The following KCNG4 variants were observed in gnomAD, a reference collection of about 807,000 sequenced individuals.
KCNG4 encodes the protein potassium voltage-gated channel modifier subfamily G member 4, also known as voltage-gated potassium channel regulatory subunit KCNG4.
A neutral mutation model predicts 28.2 loss-of-function variants in KCNG4; 30 were observed. The observed-to-expected ratio is 1.06, with a 90% CI of 0.80 to 1.44. The LOEUF (loss-of-function observed/expected upper bound fraction) is 1.44. Ranked by LOEUF, KCNG4 falls within the 40% of genes most tolerant of loss-of-function variation. The pLI is 0.00. For missense variants in KCNG4, 879 were observed against 712.3 expected (o/e 1.23, Z -2.66); for synonymous variants, 375 against 315.5 (o/e 1.19, Z -2.00).
chr16:84,225,421 CA>C, intron 2 of KCNG4, among the ~76,000 whole-genome samples: 1 of 152,344 alleles, frequency 6.6e-6, no homozygotes, highest in East Asian at 1.9e-4. Flanking sequence ...CAGAAGCCCC[CA>C]GGGTGCTTGT....
rs1157396341 is a variant in KCNG4 at position 84,219,905 on chromosome 16, C to G, written c.*2312G>C. ...ATATCAAATTAGCTGAGCATTTGAT[C>G]TCCAAATAGCTGGGATTACAGGTGG... On this transcript the variant is annotated 3_prime_UTR_variant, in exon 3 of 3. Coordinates refer to ENST00000308251, the MANE Select transcript of KCNG4 (RefSeq NM_172347.3). 2 of 151,190 alleles carry G rather than the reference C, an allele frequency of 1.3e-5. No individual in the cohort carries two copies. Among genetic ancestry groups the G allele is most frequent in the East Asian group, 2.0e-4 (1 of 5,066 alleles). 9.4% of individuals were successfully genotyped at this position (151,190 alleles called of 1,614,324 possible). A position where few individuals can be genotyped will look rare whatever the true frequency, so the allele number is the denominator to read the frequency against.
Position 84,222,159 on chromosome 16 carries a change from G to A in KCNG4, c.*58C>T. The A allele has an allele frequency of 6.5e-7, 1 of 1,549,830 alleles. No homozygotes were observed. ...GGTGGTCTATGCGGGGTACCCTTGAGTGTGTTTCAGGCAGGGTGATGGGTT... is the reference window on the plus strand; with the variant it reads ...GGTGGTCTATGCGGGGTACCCTTGAATGTGTTTCAGGCAGGGTGATGGGTT... On this transcript the variant is annotated 3_prime_UTR_variant, in exon 3 of 3. Transcript: ENST00000308251.
At chr16:84,225,758 C>G (rs1036629424) in intron 2 of KCNG4, among the ~76,000 whole-genome samples, 1 of 152,238 alleles carries the variant, frequency 6.6e-6, no homozygotes, top group African/African-American at 2.4e-5. Flanking sequence ...GCCATGCACA[C>G]CGGCTCCTGC....
chr16:84,234,791 A>G (rs889257872), intron 2 of KCNG4, among the ~76,000 whole-genome samples: 1 of 152,176 alleles, frequency 6.6e-6, no homozygotes, highest in Admixed American at 6.5e-5. Flanking sequence ...GAGGGCAAAT[A>G]AGGAATACAA....
chr16:84,222,238 G>C lies in KCNG4; in HGVS notation c.1539C>G (p.Ala513=), dbSNP rs959997899. 6.2e-7 allele frequency: 1 copy of C among 1,614,154 alleles called. No individual in the cohort carries two copies. The change falls in exon 3 of 3, where the codon GCC becomes GCG. Residue 513 remains alanine, a synonymous_variant. Transcript: ENST00000308251. ...TGAGTTACATGTGCATGATAGGCAAGGCTGGGCCCTCCAGGATTAGGTCAT... is the reference window on the plus strand; with the variant it reads ...TGAGTTACATGTGCATGATAGGCAACGCTGGGCCCTCCAGGATTAGGTCAT... ...DVNDLILEGP[A]LPIMHM
intron 2 of KCNG4, among the ~76,000 whole-genome samples, chr16:84,229,852 G>A (rs10221052): frequency 0.45 from 69,106 of 152,102 alleles, 16,107 homozygotes; most frequent in South Asian, 0.5. Flanking sequence ...AAAAACAAAA[G>A]CAACAAAACT....
rs751427973 is a variant in KCNG4 at position 84,222,302 on chromosome 16, G to A, written c.1475C>T (p.Pro492Leu). The change falls in exon 3 of 3, where the codon CCC becomes CTC. Residue 492 changes from proline to leucine, a missense_variant. By Grantham distance (98) the Pro-to-Leu change is moderately conservative. Transcript: ENST00000308251. ...GPASECELLD[P>L]HVASEHELMN... ...GAGCTCATGTTCACTGGCCACATGG[G>A]GGTCCAGGAGTTCACATTCACTGGC... is the stretch of plus-strand genomic sequence containing the variant. 5.0e-6 allele frequency: 8 copies of A among 1,614,210 alleles called. No individual in the cohort carries two copies. The highest frequency in any genetic ancestry group is 6.8e-6 in the Non-Finnish European group (8 of 1,180,038).
Position 84,236,973 on chromosome 16 carries a change from C to CTCCTCCAGCT in KCNG4, c.503_512dup (p.Leu172AlafsTer146). 1 of 1,613,766 alleles carries CTCCTCCAGCT rather than the reference C, an allele frequency of 6.2e-7. No homozygotes were observed. ...TGTGCAGCTTGGCCAGCTCCTCCAG[C>CTCCTCCAGCT]TCCTCCAGCTTCCTCAGCAGCTTCC... On this transcript the variant is annotated frameshift_variant, in exon 2 of 3. Transcript: ENST00000308251. LOFTEE classifies it high-confidence loss of function.
rs573878550 is a variant in KCNG4, at chr16:84,229,530, C to T, written c.757-6510G>A. Among the ~76,000 whole-genome samples, 312 of 152,350 alleles carry T rather than the reference C, an allele frequency of 2.0e-3. 1 individual carries two copies. The highest frequency in any genetic ancestry group is 2.1e-3 in the Non-Finnish European group (145 of 68,026). On this transcript the variant is annotated intron_variant, in intron 2 of 2. Coordinates refer to ENST00000308251, the MANE Select transcript of KCNG4 (RefSeq NM_172347.3). ...AGCGGTTCTCCCCGTGTGGGGAAGGCGGGCCGCCATCCCATCGCCTCTGTG... is the reference window on the plus strand; with the variant it reads ...AGCGGTTCTCCCCGTGTGGGGAAGGTGGGCCGCCATCCCATCGCCTCTGTG...
In KCNG4 at chr16:84,222,231, T is replaced by C. The variant is rs774852782; in HGVS notation, c.1546A>G (p.Ile516Val). ...GGGGTGCTGAGTTACATGTGCATGA[T>C]AGGCAAGGCTGGGCCCTCCAGGATT... ...DLILEGPALP[I>V]MHM The change falls in exon 3 of 3, where the codon ATC becomes GTC. Residue 516 changes from isoleucine to valine, a missense_variant. Transcript: ENST00000308251. The C allele has an allele frequency of 2.4e-5, 38 of 1,614,050 alleles. No individual in the cohort carries two copies. Among genetic ancestry groups the C allele is most frequent in the Middle Eastern group, 3.3e-4 (2 of 6,060 alleles).
At chr16:84,228,718 G>A (rs1904754878) in intron 2 of KCNG4, among the ~76,000 whole-genome samples, 1 of 152,210 alleles carries the variant, frequency 6.6e-6, no homozygotes, top group Non-Finnish European at 1.5e-5. Flanking sequence ...CATGGGACCT[G>A]GCCGATGAGT....
chr16:84,236,187 A>T (rs577725185), intron 2 of KCNG4: 270 of 154,440 alleles, frequency 1.7e-3, no homozygotes, highest in Middle Eastern at 3.4e-3. Flanking sequence ...TAAATGGCCC[A>T]TGCCTCAGTT....
chr16:84,230,192 G>A (rs1318901009), intron 2 of KCNG4, among the ~76,000 whole-genome samples: 1 of 152,158 alleles, frequency 6.6e-6, no homozygotes, highest in Non-Finnish European at 1.5e-5. Flanking sequence ...ATCACCTGAG[G>A]TCAGGAGTTC....
intron 2 of KCNG4, 91 bp downstream of exon 2, chr16:84,236,639 G>T (rs1904956938): frequency 7.8e-7 from 1 of 1,278,026 alleles, no homozygotes; most frequent in African/African-American, 1.5e-5. Context: ...CTTATTTTAA[G>T]ATCTGAAGAC....
At chr16:84,224,439 C>G (rs1050952536) in intron 2 of KCNG4, among the ~76,000 whole-genome samples, 2 of 152,026 alleles carry the variant, frequency 1.3e-5, no homozygotes, top group South Asian at 2.1e-4. Flanking sequence ...CACACACACA[C>G]AGATATGTAT....
At position 84,236,895 on chromosome 16, in the gene KCNG4, G is replaced by T; in HGVS notation, c.591C>A (p.Ser197=). The change falls in exon 2 of 3, where the codon TCC becomes TCA. Residue 197 remains serine, a synonymous_variant. Coordinates refer to ENST00000308251, the MANE Select transcript of KCNG4 (RefSeq NM_172347.3). ...QRETRRPASH[S]SRWGLCMNRL... ...GGTTCATGCACAGGCCCCAGCGCGA[G>T]GAGTGCGAGGCGGGGCGGCGGGTCT... is the stretch of plus-strand genomic sequence containing the variant. 1 of 1,613,540 alleles carries T rather than the reference G, an allele frequency of 6.2e-7. No individual in the cohort carries two copies. The highest frequency in any genetic ancestry group is 8.5e-7 in the Non-Finnish European group (1 of 1,180,006).
chr16:84,222,144 G>A lies in KCNG4; in HGVS notation c.*73C>T. Reference sequence around the variant, plus strand: ...CTAGAAACACCACCAGGTGGTCTATGCGGGGTACCCTTGAGTGTGTTTCAG... The same window carrying A: ...CTAGAAACACCACCAGGTGGTCTATACGGGGTACCCTTGAGTGTGTTTCAG... On this transcript the variant is annotated 3_prime_UTR_variant, in exon 3 of 3. Transcript: ENST00000308251. 1 of 1,487,140 alleles carries A rather than the reference G, an allele frequency of 6.7e-7. No homozygotes were observed. The allele number at this position is 1,487,140 out of a possible 1,614,324, so 92.1% of individuals were successfully genotyped here.
chr16:84,233,772 G>T (rs1394126716), intron 2 of KCNG4, among the ~76,000 whole-genome samples: 2 of 151,854 alleles, frequency 1.3e-5, no homozygotes, highest in Non-Finnish European at 2.9e-5. Flanking sequence ...ATAAAACGAG[G>T]GTAGGAAGAA....
intron 2 of KCNG4, among the ~76,000 whole-genome samples, chr16:84,223,387 C>T (rs1054957812): frequency 3.3e-5 from 5 of 152,122 alleles, no homozygotes; most frequent in Admixed American, 1.3e-4. Context: ...ACTGGACCAG[C>T]GCCCCAGGGG....
Sources: gnomAD v4.1 joint callset for allele counts (sites outside exome capture counted in the v4.1 genomes callset) on GRCh38, gnomAD v4.1.1 for gene constraint, MANE v1.5 for transcripts, NCBI Gene and HGNC (gene_info 2026-07-23, HGNC 2026-07-21) for gene names.